DNAH11: variants seen among roughly 807,000 people sequenced by gnomAD.
The protein encoded by DNAH11 is dynein axonemal heavy chain 11.
Under a neutral mutation model 526.0 loss-of-function variants are expected in DNAH11, and 442 were observed. The observed-to-expected ratio is 0.84, with a 90% CI of 0.78 to 0.91. The LOEUF (loss-of-function observed/expected upper bound fraction) is 0.91. DNAH11 is among the 40% of genes least tolerant of loss of function. DNAH11 has a pLI of 0.00. For missense variants in DNAH11, 6,989 were observed against 5,448.7 expected, an observed-to-expected ratio of 1.28 and a Z score of -8.90; for synonymous variants, 2,461 against 1,935.9, an observed-to-expected ratio of 1.27 and a Z score of -7.12.
chr7:21,750,620 C>T (rs1324480342), intron 54 of DNAH11, among the ~76,000 whole-genome samples: 2 of 152,146 alleles, frequency 1.3e-5, no homozygotes, highest in Non-Finnish European at 2.9e-5. Context: ...GGAACTTACA[C>T]TATTGTAGAA....
At chr7:21,607,857 G>A (rs1785359061) in intron 20 of DNAH11, among the ~76,000 whole-genome samples, 1 of 136,182 alleles carries the variant, frequency 7.3e-6, no homozygotes. Flanking sequence ...GGAATCTCTT[G>A]AACCCAGGAG....
Position 21,869,014 on chromosome 7 carries a change from G to A in DNAH11, c.11967+23G>A, listed in dbSNP as rs368218101. ...CAAGTGAGTATTAAGTTTCAGGGAAGACACTGGGCATAAACACAGAGGAGG... is the reference window on the plus strand; with the variant it reads ...CAAGTGAGTATTAAGTTTCAGGGAAAACACTGGGCATAAACACAGAGGAGG... On this transcript the variant is annotated intron_variant, in intron 73 of 81. Transcript: ENST00000409508. The A allele has an allele frequency of 5.0e-5, 80 of 1,613,490 alleles. No homozygotes were observed. In the African/African-American group the frequency reaches 9.7e-4, roughly 20 times the overall value.
At chr7:21,590,479 A>C (rs1381790178) in intron 12 of DNAH11, among the ~76,000 whole-genome samples, 4 of 152,194 alleles carry the variant, frequency 2.6e-5, no homozygotes, top group African/African-American at 9.7e-5. Context: ...GGAGTCTCTC[A>C]TGGCAGTCAA....
intron 49 of DNAH11, among the ~76,000 whole-genome samples, chr7:21,744,146 C>G (rs994937038): frequency 2.0e-5 from 3 of 152,090 alleles, no homozygotes; most frequent in Admixed American, 6.5e-5. Context: ...AAACTTAGTC[C>G]ATTGTAAGGC....
chr7:21,898,030 T>C (rs1157047018), intron 79 of DNAH11, among the ~76,000 whole-genome samples: 1 of 152,228 alleles, frequency 6.6e-6, no homozygotes, highest in Admixed American at 6.5e-5. Context: ...TCTATAATTT[T>C]ATTTTCTACT....
rs115922447 is a variant in DNAH11 at position 21,804,984 on chromosome 7, C to A, written c.10166-2899C>A. 8.8e-3 allele frequency among the ~76,000 whole-genome samples: 1,334 copies of A among 152,288 alleles called. 21 individuals are homozygous for A. The highest frequency in any genetic ancestry group is 0.03 in the African/African-American group (1,259 of 41,532). ...TTCTCTCTTGCCCCATCTTCACTGG[C>A]CTTCTGTCTCTCCCTCATACTTCCA... On this transcript the variant is annotated intron_variant, in intron 62 of 81. Coordinates refer to ENST00000409508, the MANE Select transcript of DNAH11 (RefSeq NM_001277115.2).
At chr7:21,743,761 G>C (rs561435783) in intron 49 of DNAH11, among the ~76,000 whole-genome samples, 57 of 152,186 alleles carry the variant, frequency 3.7e-4, no homozygotes, top group Non-Finnish European at 4.1e-4. Flanking sequence ...GAAATGGGAC[G>C]AGAGGACTGC....
intron 2 of DNAH11, among the ~76,000 whole-genome samples, chr7:21,555,253 C>A (rs1783170896): frequency 6.6e-6 from 1 of 152,212 alleles, no homozygotes; most frequent in Non-Finnish European, 1.5e-5. Context: ...CGAATGGGGT[C>A]TTTAGGCTAG....
At chr7:21,831,324 G>C (rs1192963917) in intron 65 of DNAH11, among the ~76,000 whole-genome samples, 4 of 152,034 alleles carry the variant, frequency 2.6e-5, no homozygotes, top group African/African-American at 9.7e-5. Context: ...GGTTAACTTT[G>C]TAGCTTTTTG....
intron 38 of DNAH11, 116 bp from the exon 39 acceptor site, chr7:21,705,344 G>A: frequency 1.1e-6 from 1 of 906,236 alleles, no homozygotes; most frequent in East Asian, 2.6e-5. Context: ...TGAACATACT[G>A]TTGTCAGTGG....
At chr7:21,839,881 A>G (rs1289375523) in intron 65 of DNAH11, among the ~76,000 whole-genome samples, 1 of 152,244 alleles carries the variant, frequency 6.6e-6, no homozygotes, top group Non-Finnish European at 1.5e-5. Flanking sequence ...TTAGATGAAG[A>G]CAATAGGTCA....
chr7:21,707,573 C>A (rs1458231870), intron 39 of DNAH11, 126 bp from the exon 40 acceptor site: 3 of 1,203,968 alleles, frequency 2.5e-6, no homozygotes, highest in Non-Finnish European at 3.4e-6. Flanking sequence ...TTCCCCTTCT[C>A]GATCTTAGCA....
intron 35 of DNAH11, among the ~76,000 whole-genome samples, chr7:21,692,879 T>C (rs1783689904): frequency 6.6e-6 from 1 of 152,238 alleles, no homozygotes; most frequent in Non-Finnish European, 1.5e-5. Flanking sequence ...AGATAGGTAG[T>C]ACTGTGTCCT....
intron 40 of DNAH11, 126 bp from the exon 41 acceptor site, chr7:21,710,427 T>A: frequency 1.4e-6 from 1 of 706,008 alleles, no homozygotes; most frequent in Non-Finnish European, 2.3e-6. Flanking sequence ...GCTGAAAAGG[T>A]GTTACACACT....
chr7:21,735,742 G>A lies in DNAH11; in HGVS notation c.7543G>A (p.Gly2515Arg). 6.2e-7 allele frequency: 1 copy of A among 1,613,920 alleles called. No homozygotes were observed. The highest frequency in any genetic ancestry group is 8.5e-7 in the Non-Finnish European group (1 of 1,179,876). Residue 2515 changes from glycine (G) to arginine (R), a missense_variant, in exon 46 of 82, where the codon GGA (glycine) becomes AGA (arginine). Gly to Arg is a moderately radical substitution (Grantham distance 125, BLOSUM62 -2). Transcript: ENST00000409508. Reference sequence around the variant, plus strand: ...AATGCTAGTAGGAAATGCAGGAGTGGGAAAAACAGTCTTTGTAGGTGACAC... The same window carrying A: ...AATGCTAGTAGGAAATGCAGGAGTGAGAAAAACAGTCTTTGTAGGTGACAC... ...PLMLVGNAGV[G>R]KTVFVGDTLA...
intron 76 of DNAH11, among the ~76,000 whole-genome samples, chr7:21,886,109 A>G (rs1031088116): frequency 6.6e-6 from 1 of 152,184 alleles, no homozygotes; most frequent in African/African-American, 2.4e-5. Context: ...AACTCTGTTT[A>G]AAGCAATGCT....
chr7:21,801,927 G>C (rs1789012390), intron 62 of DNAH11, among the ~76,000 whole-genome samples: 2 of 152,176 alleles, frequency 1.3e-5, no homozygotes, highest in African/African-American at 4.8e-5. Context: ...GCTTGAACAT[G>C]AGTGGTAGAG....
chr7:21,783,499 G>A (rs17292270), intron 57 of DNAH11, among the ~76,000 whole-genome samples: 2,266 of 152,132 alleles, frequency 0.015, 31 homozygotes, highest in Middle Eastern at 0.041. Context: ...CCATCACCAC[G>A]GGAACCGTCT....
intron 30 of DNAH11, among the ~76,000 whole-genome samples, chr7:21,663,483 A>G (rs1197942903): frequency 1.3e-5 from 2 of 152,044 alleles, no homozygotes; most frequent in East Asian, 1.9e-4. Context: ...CTTCACCAAC[A>G]TCTGTGTTGT....
Sources: gnomAD v4.1 joint callset for allele counts (sites outside exome capture counted in the v4.1 genomes callset) on GRCh38, gnomAD v4.1.1 for gene constraint, MANE v1.5 for transcripts, NCBI Gene and HGNC (gene_info 2026-07-23, HGNC 2026-07-21) for gene names.